The following MTMR10 variants were observed in gnomAD, a reference collection of about 807,000 sequenced individuals.
MTMR10 encodes myotubularin related protein 10, also known as myotubularin-related protein 10.
In MTMR10, 56 loss-of-function variants were observed where a neutral mutation model predicts 88.1. That is an observed-to-expected ratio of 0.64 (90% CI 0.51 to 0.79). MTMR10 has a LOEUF of 0.79. Among genes scored for constraint, MTMR10 ranks in the 30% least tolerant of loss-of-function variants. MTMR10 has a pLI of 0.00. For missense variants in MTMR10, 883 were observed against 924.7 expected (o/e 0.95, Z 0.58); for synonymous variants, 380 against 340.9 (o/e 1.11, Z -1.26).
chr15:30,927,728 G>T, the MTMR10 span: 1 of 985,716 alleles, frequency 1.0e-6, no homozygotes, highest in Non-Finnish European at 1.2e-6. Flanking sequence ...CATCCATGTG[G>T]CCTCCTCCTC....
At chr15:30,980,618 C>T (rs1392363186) in intron 2 of MTMR10, among the ~76,000 whole-genome samples, 1 of 152,148 alleles carries the variant, frequency 6.6e-6, no homozygotes, top group Non-Finnish European at 1.5e-5. Context: ...TTTAAAATAC[C>T]ATTTTCCAAT....
At chr15:30,921,825 T>C in the MTMR10 span, among the ~76,000 whole-genome samples, 1 of 152,226 alleles carries the variant, frequency 6.6e-6, no homozygotes, top group Non-Finnish European at 1.5e-5. Flanking sequence ...CTCATTACTT[T>C]CCTGCCCACC....
chr15:30,950,257 T>A (rs1489455450), intron 12 of MTMR10: 1 of 138,788 alleles, frequency 7.2e-6, no homozygotes, highest in African/African-American at 2.6e-5. Flanking sequence ...AAACACACAC[T>A]CTGACTGTAT....
In MTMR10 at chr15:30,941,976, A is replaced by T; in HGVS notation, c.1828T>A (p.Leu610Ile). Residue 610 changes from leucine (L) to isoleucine (I), a missense_variant, in exon 16 of 16, where the codon TTA (leucine) becomes ATA (isoleucine). Transcript: ENST00000435680. The part of the protein sequence containing the change: ...ELLPRRNSLI[L>I]KPKPDPAQQT... ...TGAGCTGGATCTGGCTTTGGTTTTA[A>T]TATCAATGAATTTCTCCTTGGAAGT... 6.2e-7 allele frequency: 1 copy of T among 1,613,968 alleles called. No homozygotes were observed. Among genetic ancestry groups the T allele is most frequent in the Middle Eastern group, 1.6e-4 (1 of 6,062 alleles).
intron 2 of MTMR10, among the ~76,000 whole-genome samples, chr15:30,977,437 A>G (rs1363511789): frequency 6.6e-6 from 1 of 152,246 alleles, no homozygotes; most frequent in East Asian, 1.9e-4. Context: ...AGCCAAATCA[A>G]GTTTCCTTCT....
chr15:30,925,174 G>A, the MTMR10 span: 1 of 1,613,978 alleles, frequency 6.2e-7, no homozygotes, highest in South Asian at 1.1e-5. Flanking sequence ...AAGTCAGAAC[G>A]GGACACCGCC....
chr15:30,963,535 G>A (rs997670636), intron 6 of MTMR10, among the ~76,000 whole-genome samples: 5 of 152,070 alleles, frequency 3.3e-5, no homozygotes, highest in Non-Finnish European at 7.4e-5. Flanking sequence ...CTACTTGGGA[G>A]GGTGAGGCAG....
At chr15:30,938,174 A>G (rs1468221761), downstream of MTMR10, among the ~76,000 whole-genome samples, 5 of 150,676 alleles carry the variant, frequency 3.3e-5, no homozygotes, top group African/African-American at 1.2e-4. Context: ...ACAGAGCGAG[A>G]CTCTGTCTCA....
At chr15:30,972,464 T>TA (rs1228789446) in intron 5 of MTMR10, among the ~76,000 whole-genome samples, 2 of 152,116 alleles carry the variant, frequency 1.3e-5, no homozygotes, top group Non-Finnish European at 2.9e-5. Flanking sequence ...GGGGAAAAGA[T>TA]TTTTGTCTGA....
chr15:30,976,272 T>C (rs1174617325), intron 3 of MTMR10, among the ~76,000 whole-genome samples: 1 of 151,922 alleles, frequency 6.6e-6, no homozygotes, highest in African/African-American at 2.4e-5. Flanking sequence ...AGTGGTGGCA[T>C]GCACCTGTAG....
intron 2 of MTMR10, among the ~76,000 whole-genome samples, chr15:30,980,304 G>A (rs1327902576): frequency 6.6e-6 from 1 of 152,184 alleles, no homozygotes; most frequent in East Asian, 1.9e-4. Context: ...TCTCACCAAT[G>A]AGCTACAGCA....
At chr15:30,943,586 G>A (rs1177996180) in intron 14 of MTMR10, 9 of 985,230 alleles carry the variant, frequency 9.1e-6, no homozygotes, top group Non-Finnish European at 1.1e-5. Context: ...ACAGACTCAG[G>A]GTAGGAAGGA....
intron 13 of MTMR10, 148 bp from the exon 14 acceptor site, chr15:30,947,448 CATCT>C (rs2063187323): frequency 2.3e-6 from 2 of 879,460 alleles, no homozygotes; most frequent in Non-Finnish European, 3.4e-6. Flanking sequence ...GAGCTATACA[CATCT>C]ATCAAACCCA....
At chr15:30,926,616 G>A in the MTMR10 span, 2 of 985,092 alleles carry the variant, frequency 2.0e-6, no homozygotes, top group Admixed American at 6.1e-5. Flanking sequence ...AGGGAAGGGT[G>A]ATGTTATTGG....
At chr15:30,969,412 C>G (rs947491154) in intron 5 of MTMR10, among the ~76,000 whole-genome samples, 2 of 152,120 alleles carry the variant, frequency 1.3e-5, no homozygotes, top group African/African-American at 4.8e-5. Flanking sequence ...TTCCTTAAAG[C>G]ATTTCTAGCA....
the MTMR10 span, among the ~76,000 whole-genome samples, chr15:30,924,713 C>T: frequency 7.9e-5 from 12 of 152,152 alleles, no homozygotes; most frequent in African/African-American, 2.4e-4. Flanking sequence ...GGCCCCCATG[C>T]GTGGGCTCCT....
the MTMR10 span, among the ~76,000 whole-genome samples, chr15:30,923,143 C>T: frequency 6.6e-6 from 1 of 152,230 alleles, no homozygotes; most frequent in Non-Finnish European, 1.5e-5. Context: ...AAAACGACCA[C>T]TGGTTAGGAA....
chr15:30,957,657 G>T (rs1226827432), intron 9 of MTMR10, among the ~76,000 whole-genome samples: 1 of 152,084 alleles, frequency 6.6e-6, no homozygotes, highest in Admixed American at 6.5e-5. Flanking sequence ...CGGGAGCCGA[G>T]ATCGTACCAC....
chr15:30,941,849 G>A lies in MTMR10; in HGVS notation c.1955C>T (p.Thr652Ile), dbSNP rs1008064083. The change falls in exon 16 of 16, where the codon ACA becomes ATA. Residue 652 changes from threonine (T) to isoleucine (I), a missense_variant. Coordinates refer to ENST00000435680, the MANE Select transcript of MTMR10 (RefSeq NM_017762.3). The stretch of plus-strand genomic sequence containing the variant: ...GCACAGTTTCCACAGTTTTATGTGT[G>A]TTCCAGAGACACGTGGCAGAATAAC... The part of the protein sequence containing the change: ...HGVILPRVSG[T>I]HIKLWKLCYF... 10 of 1,614,070 alleles carry A rather than the reference G, an allele frequency of 6.2e-6. No individual in the cohort carries two copies. The highest frequency in any genetic ancestry group is 5.5e-5 in the South Asian group (5 of 91,080).
Sources: gnomAD v4.1 joint callset for allele counts (sites outside exome capture counted in the v4.1 genomes callset) on GRCh38, gnomAD v4.1.1 for gene constraint, MANE v1.5 for transcripts, NCBI Gene and HGNC (gene_info 2026-07-23, HGNC 2026-07-21) for gene names.